The following DIAPH2 variants were observed in gnomAD, a reference collection of about 807,000 sequenced individuals.
DIAPH2 encodes diaphanous related formin 2.
DIAPH2 carries 35 observed loss-of-function variants against 92.7 expected under a neutral mutation model. The observed-to-expected ratio is 0.38, with a 90% confidence interval of 0.29 to 0.50. DIAPH2 has a LOEUF of 0.50. Among genes scored for constraint, DIAPH2 ranks in the 20% least tolerant of loss-of-function variants. The pLI is 0.94. For missense variants in DIAPH2, 701 were observed against 819.5 expected (o/e 0.86, Z 1.77); for synonymous variants, 301 against 280.4 (o/e 1.07, Z -0.73).
intron 4 of DIAPH2, among the ~76,000 whole-genome samples, chrX:96,862,618 T>A (rs1029782554): frequency 3.6e-5 from 4 of 112,133 alleles, no homozygotes; most frequent in African/African-American, 1.3e-4. Flanking sequence ...ATATCTGGAA[T>A]TTGAACTTGA....
At chrX:97,339,497 A>AG (rs370454173) in intron 23 of DIAPH2, among the ~76,000 whole-genome samples, 323 of 111,295 alleles carry the variant, frequency 2.9e-3, no homozygotes, top group African/African-American at 9.7e-3. Context: ...CATGGGAGAT[A>AG]GAGTGAGATT....
At chrX:97,588,388 C>A (rs1277446530) in intron 26 of DIAPH2, among the ~76,000 whole-genome samples, 1 of 111,202 alleles carries the variant, frequency 9.0e-6, no homozygotes, top group African/African-American at 3.3e-5. Context: ...ACACTGCCTG[C>A]ACTAGGAAGG....
At chrX:97,209,543 T>A (rs2067823334) in intron 22 of DIAPH2, among the ~76,000 whole-genome samples, 1 of 111,827 alleles carries the variant, frequency 8.9e-6, no homozygotes, top group Admixed American at 9.5e-5. Flanking sequence ...GTGAATCGAC[T>A]TCATATGTCC....
chrX:97,490,003 T>G (rs1296106351), intron 26 of DIAPH2, among the ~76,000 whole-genome samples: 1 of 111,787 alleles, frequency 8.9e-6, no homozygotes, highest in Non-Finnish European at 1.9e-5. Flanking sequence ...TAATTCTTCA[T>G]TAAATATTTG....
intron 26 of DIAPH2, among the ~76,000 whole-genome samples, chrX:97,540,978 G>A (rs1282995311): frequency 1.8e-5 from 2 of 111,586 alleles, no homozygotes; most frequent in Non-Finnish European, 3.8e-5. Context: ...ATGTTCATAT[G>A]TACATGTGTC....
intron 26 of DIAPH2, among the ~76,000 whole-genome samples, chrX:97,506,560 C>A (rs1187040309): frequency 9.5e-6 from 1 of 105,022 alleles, no homozygotes; most frequent in Non-Finnish European, 1.9e-5. Context: ...GGTGTTGAAA[C>A]GATTACATAT....
intron 23 of DIAPH2, among the ~76,000 whole-genome samples, chrX:97,251,435 CT>C (rs754141574): frequency 0.055 from 5,431 of 98,877 alleles, 374 homozygotes; most frequent in African/African-American, 0.19. Context: ...GTGAAGGTCT[CT>C]TTTTTTTTTT....
chrX:96,946,262 A>C (rs983352450), intron 14 of DIAPH2, among the ~76,000 whole-genome samples: 1 of 111,471 alleles, frequency 9.0e-6, no homozygotes, highest in Non-Finnish European at 1.9e-5. Flanking sequence ...CATAGCTATA[A>C]TTTTATTAGC....
At chrX:97,192,669 A>G (rs751287537) in intron 22 of DIAPH2, among the ~76,000 whole-genome samples, 34 of 112,023 alleles carry the variant, frequency 3.0e-4, no homozygotes, top group Non-Finnish European at 4.7e-4. Context: ...ATGATAAAAT[A>G]TCCTACTTTT....
At chrX:96,767,706 G>T (rs5949998) in intron 4 of DIAPH2, among the ~76,000 whole-genome samples, 6,356 of 111,268 alleles carry the variant, frequency 0.057, 206 homozygotes, top group Middle Eastern at 0.16. Context: ...ATTTATTCTG[G>T]GTCAAGAATG....
chrX:97,500,791 T>TATATATAC (rs2070791967), intron 26 of DIAPH2, among the ~76,000 whole-genome samples: 1 of 95,535 alleles, frequency 1.0e-5, no homozygotes, highest in African/African-American at 3.8e-5. Flanking sequence ...TATATATATA[T>TATATATAC]ATATATATAT....
intron 23 of DIAPH2, among the ~76,000 whole-genome samples, chrX:97,279,574 TC>T (rs1252889852): frequency 9.0e-6 from 1 of 110,523 alleles, no homozygotes; most frequent in Admixed American, 9.8e-5. Flanking sequence ...AAAACATGAA[TC>T]TTTTTTTTTT....
chrX:96,836,387 C>T (rs1161748399), intron 4 of DIAPH2, among the ~76,000 whole-genome samples: 1 of 109,017 alleles, frequency 9.2e-6, no homozygotes, highest in Non-Finnish European at 1.9e-5. Flanking sequence ...TGAATTTTCT[C>T]TTGATAAATG....
chrX:97,195,854 G>C (rs910007631), intron 22 of DIAPH2, among the ~76,000 whole-genome samples: 1 of 109,332 alleles, frequency 9.1e-6, no homozygotes, highest in Non-Finnish European at 1.9e-5. Context: ...CATCCATGGG[G>C]CAGTAGTAAA....
At chrX:97,113,852 G>T (rs1012256136) in intron 20 of DIAPH2, among the ~76,000 whole-genome samples, 1 of 111,769 alleles carries the variant, frequency 8.9e-6, no homozygotes, top group Non-Finnish European at 1.9e-5. Flanking sequence ...TTTTCACTGT[G>T]TGCATGTGTC....
chrX:97,444,758 A>G (rs988570664), intron 26 of DIAPH2, among the ~76,000 whole-genome samples: 1 of 112,037 alleles, frequency 8.9e-6, no homozygotes, highest in Admixed American at 9.5e-5. Context: ...CTATTGTCAT[A>G]TCATCAACCA....
At chrX:96,849,956 A>G (rs761700550) in intron 4 of DIAPH2, among the ~76,000 whole-genome samples, 1 of 61,840 alleles carries the variant, frequency 1.6e-5, no homozygotes, top group South Asian at 5.9e-4. Flanking sequence ...TAATCAGAAA[A>G]GACTTTTTTT....
At chrX:97,239,593 G>A (rs2068075181) in intron 22 of DIAPH2, among the ~76,000 whole-genome samples, 1 of 111,483 alleles carries the variant, frequency 9.0e-6, no homozygotes, top group African/African-American at 3.3e-5. Context: ...AAAAATTAAA[G>A]TGCTACCAGA....
intron 21 of DIAPH2, among the ~76,000 whole-genome samples, chrX:97,134,752 A>C (rs2147401190): frequency 8.9e-6 from 1 of 111,755 alleles, no homozygotes; most frequent in South Asian, 3.8e-4. Flanking sequence ...AAGCCTAATT[A>C]TGCTGAACTT....
Sources: allele counts gnomAD v4.1 joint callset (sites outside exome capture counted in the v4.1 genomes callset), GRCh38; gene constraint gnomAD v4.1.1; transcripts MANE v1.5; gene names NCBI Gene and HGNC (gene_info 2026-07-23, HGNC 2026-07-21).